The following DLGAP2 variants were observed in gnomAD, a reference collection of about 807,000 sequenced individuals.
DLGAP2 encodes DLG associated protein 2, also known as disks large-associated protein 2.
A neutral mutation model predicts 100.3 loss-of-function variants in DLGAP2; 26 were observed. That is an observed-to-expected ratio of 0.26 (90% CI 0.19 to 0.36). The LOEUF (loss-of-function observed/expected upper bound fraction) is 0.36, where lower values mean the gene tolerates loss of function less well. Ranked by LOEUF, DLGAP2 falls within the 10% of genes least tolerant of loss-of-function variation. The probability of loss-of-function intolerance (pLI) is 1.00; values close to 1 mark genes in which losing one functional copy is unlikely to be tolerated. For synonymous variants in DLGAP2, 886 were observed against 630.1 expected (o/e 1.41, Z -6.08); for missense variants, 1,858 against 1,453.2 (o/e 1.28, Z -4.53).
At chr8:885,487 T>A (rs375232150) in intron 1 of DLGAP2, among the ~76,000 whole-genome samples, 1 of 152,246 alleles carries the variant, frequency 6.6e-6, no homozygotes, top group African/African-American at 2.4e-5. Flanking sequence ...CCTGAGACTT[T>A]GCTGAAGTTG....
At chr8:1,447,829 T>G (rs1316430767) in intron 3 of DLGAP2, among the ~76,000 whole-genome samples, 1 of 152,218 alleles carries the variant, frequency 6.6e-6, no homozygotes, top group East Asian at 1.9e-4. Context: ...GTGTATGTGT[T>G]GAGGAATTTA....
In DLGAP2 at chr8:1,561,924, G is replaced by A. The variant is rs538860039; in HGVS notation, c.1231-3759G>A. Among the ~76,000 whole-genome samples the A allele has an allele frequency of 2.9e-4, 17 of 59,626 alleles. 5 individuals are homozygous for A. The highest frequency in any genetic ancestry group is 1.1e-3 in the African/African-American group (16 of 14,702). 39.1% of individuals were successfully genotyped at this position (59,626 alleles called of 152,430 possible). A position where few individuals can be genotyped will look rare whatever the true frequency, so the allele number is the denominator to read the frequency against. ...GGGACTGTGTGGAGTTGGGGTGTCC[G>A]CGCCTCGTTGCTGCGGGACTGTGTG... On this transcript the variant is annotated intron_variant, in intron 5 of 14. Coordinates refer to ENST00000637795, the MANE Select transcript of DLGAP2 (RefSeq NM_001346810.2).
intron 2 of DLGAP2, among the ~76,000 whole-genome samples, chr8:1,177,918 C>T (rs1381156049): frequency 2.0e-5 from 3 of 152,210 alleles, no homozygotes; most frequent in African/African-American, 7.2e-5. Flanking sequence ...GCATTCCGGC[C>T]AGCAAAGCCT....
chr8:1,171,549 T>G (rs576761891), intron 2 of DLGAP2, among the ~76,000 whole-genome samples: 4 of 152,006 alleles, frequency 2.6e-5, no homozygotes, highest in African/African-American at 9.7e-5. Context: ...AGGACTTGCT[T>G]TATGAATCTG....
At chr8:1,544,695 C>G (rs1360026115) in intron 4 of DLGAP2, among the ~76,000 whole-genome samples, 1 of 151,710 alleles carries the variant, frequency 6.6e-6, no homozygotes, top group Non-Finnish European at 1.5e-5. Flanking sequence ...TATAATTCTC[C>G]TCATATGCTG....
At chr8:1,144,155 AAAAG>A (rs963455207) in intron 2 of DLGAP2, among the ~76,000 whole-genome samples, 23 of 152,226 alleles carry the variant, frequency 1.5e-4, no homozygotes, top group Admixed American at 1.4e-3. Context: ...AGATGAGGCA[AAAAG>A]AAAGGAGGGG....
intron 1 of DLGAP2, among the ~76,000 whole-genome samples, chr8:878,494 T>C (rs1542905): frequency 2.6e-5 from 4 of 151,986 alleles, no homozygotes; most frequent in Non-Finnish European, 5.9e-5. Flanking sequence ...TGAGAGAGTA[T>C]ATTTCTAGGA....
intron 2 of DLGAP2, among the ~76,000 whole-genome samples, chr8:974,394 C>T (rs1800110106): frequency 6.6e-6 from 1 of 152,156 alleles, no homozygotes; most frequent in Admixed American, 6.5e-5. Context: ...ATAAGTAAAA[C>T]ACCAACCCAG....
chr8:931,646 C>T (rs543219886), intron 2 of DLGAP2, among the ~76,000 whole-genome samples: 16 of 152,330 alleles, frequency 1.1e-4, no homozygotes, highest in African/African-American at 3.1e-4. Context: ...CCCTTGCCAG[C>T]CCATTCTGAG....
At chr8:1,183,701 A>G (rs1036480552) in intron 2 of DLGAP2, among the ~76,000 whole-genome samples, 1 of 152,286 alleles carries the variant, frequency 6.6e-6, no homozygotes, top group East Asian at 1.9e-4. Context: ...CTTCCACCCC[A>G]GTCCTCATTT....
At chr8:1,509,099 G>A (rs565109933) in intron 4 of DLGAP2, among the ~76,000 whole-genome samples, 1 of 152,084 alleles carries the variant, frequency 6.6e-6, no homozygotes, top group Non-Finnish European at 1.5e-5. Context: ...TTGGGAGGCC[G>A]AGGCGGGCGG....
chr8:1,565,487 A>G, intron 5 of DLGAP2, 196 bp from the exon 6 acceptor site: 1 of 552,388 alleles, frequency 1.8e-6, no homozygotes, highest in Non-Finnish European at 3.2e-6. Context: ...CCTATCACTT[A>G]TAATGAAGAA....
At chr8:1,153,102 C>G (rs142574079) in intron 2 of DLGAP2, among the ~76,000 whole-genome samples, 1 of 152,170 alleles carries the variant, frequency 6.6e-6, no homozygotes, top group Non-Finnish European at 1.5e-5. Flanking sequence ...CCTTCTCCCC[C>G]TGCTTTGACC....
intron 8 of DLGAP2, among the ~76,000 whole-genome samples, chr8:1,666,957 A>G (rs911195097): frequency 6.6e-6 from 1 of 152,128 alleles, no homozygotes; most frequent in African/African-American, 2.4e-5. Context: ...CCTTGGGGAA[A>G]ACTGCTGCTC....
chr8:972,267 C>T (rs778595430), intron 2 of DLGAP2, among the ~76,000 whole-genome samples: 2 of 152,152 alleles, frequency 1.3e-5, no homozygotes, highest in African/African-American at 2.4e-5. Flanking sequence ...ACCTACAAGG[C>T]ATGCGGAAAG....
At chr8:1,039,804 C>G (rs74798291) in intron 2 of DLGAP2, among the ~76,000 whole-genome samples, 49 of 123,684 alleles carry the variant, frequency 4.0e-4, no homozygotes, top group Non-Finnish European at 6.3e-4. Flanking sequence ...AGCTCGGTTT[C>G]CGTGGTCGGC....
intron 1 of DLGAP2, among the ~76,000 whole-genome samples, chr8:899,630 C>T (rs1253608818): frequency 6.6e-6 from 1 of 152,268 alleles, no homozygotes; most frequent in East Asian, 1.9e-4. Context: ...ATCATTAAGT[C>T]CTGGCATCAC....
chr8:1,033,408 T>C (rs1365794835), intron 2 of DLGAP2, among the ~76,000 whole-genome samples: 1 of 152,180 alleles, frequency 6.6e-6, no homozygotes, highest in African/African-American at 2.4e-5. Flanking sequence ...GGCTCACACC[T>C]GTAATCCCAG....
intron 2 of DLGAP2, among the ~76,000 whole-genome samples, chr8:1,055,186 A>G (rs748501806): frequency 1.3e-4 from 20 of 152,192 alleles, no homozygotes; most frequent in African/African-American, 1.9e-4. Context: ...CAATTGTCCA[A>G]TTGTGTGATT....
Sources: gnomAD v4.1 joint callset for allele counts (sites outside exome capture counted in the v4.1 genomes callset) on GRCh38, gnomAD v4.1.1 for gene constraint, MANE v1.5 for transcripts, NCBI Gene and HGNC (gene_info 2026-07-23, HGNC 2026-07-21) for gene names.